SDCCAG8: variants seen among roughly 807,000 people sequenced by gnomAD.
SDCCAG8 encodes SHH signaling and ciliogenesis regulator SDCCAG8.
A neutral mutation model predicts 101.8 loss-of-function variants in SDCCAG8; 74 were observed. The ratio of observed to expected loss-of-function variants is 0.73; its 90% CI spans 0.60 to 0.88. SDCCAG8 has a LOEUF of 0.88. SDCCAG8 is among the 40% of genes least tolerant of loss of function. The pLI, the probability that SDCCAG8 is intolerant of heterozygous loss-of-function variation, is 0.00. For missense variants in SDCCAG8, 787 were observed against 822.6 expected, an observed-to-expected ratio of 0.96 and a Z score of 0.53; for synonymous variants, 281 against 292.9, an observed-to-expected ratio of 0.96 and a Z score of 0.41.
At chr1:243,356,545 T>A (rs972793665) in intron 12 of SDCCAG8, among the ~76,000 whole-genome samples, 1 of 151,958 alleles carries the variant, frequency 6.6e-6, no homozygotes, top group Non-Finnish European at 1.5e-5. Flanking sequence ...CACCTTAAAC[T>A]ATAACTCAGA....
intron 11 of SDCCAG8, 85 bp downstream of exon 11, chr1:243,341,258 G>T: frequency 1.4e-6 from 2 of 1,470,870 alleles, no homozygotes; most frequent in Non-Finnish European, 1.9e-6. Context: ...AACTCTTACT[G>T]TTATCAGGAG....
At chr1:243,368,137 G>A (rs1478377629) in intron 12 of SDCCAG8, among the ~76,000 whole-genome samples, 1 of 151,680 alleles carries the variant, frequency 6.6e-6, no homozygotes, top group Non-Finnish European at 1.5e-5. Flanking sequence ...AATCTCTTGA[G>A]CCGGGGAGGT....
intron 12 of SDCCAG8, among the ~76,000 whole-genome samples, chr1:243,377,688 G>A (rs1482557740): frequency 1.3e-5 from 2 of 151,880 alleles, no homozygotes; most frequent in Admixed American, 6.6e-5. Context: ...AAGGACATGA[G>A]GAAATTTGGA....
chr1:243,279,891 G>A (rs975791156), intron 4 of SDCCAG8, among the ~76,000 whole-genome samples: 15 of 151,940 alleles, frequency 9.9e-5, no homozygotes, highest in African/African-American at 3.6e-4. Context: ...CACTTGGTTC[G>A]GGTATTAGGT....
At chr1:243,348,601 A>G (rs1040924173) in intron 12 of SDCCAG8, among the ~76,000 whole-genome samples, 3 of 152,074 alleles carry the variant, frequency 2.0e-5, no homozygotes, top group Non-Finnish European at 4.4e-5. Context: ...AGAACTGCGT[A>G]GGGCTGCAGT....
chr1:243,437,921 C>G (rs2082254805), intron 16 of SDCCAG8, among the ~76,000 whole-genome samples: 1 of 152,152 alleles, frequency 6.6e-6, no homozygotes, highest in Non-Finnish European at 1.5e-5. Context: ...CACATTTTTC[C>G]TAGGATCAGG....
At chr1:243,459,772 T>C (rs1487991001) in intron 16 of SDCCAG8, among the ~76,000 whole-genome samples, 1 of 152,030 alleles carries the variant, frequency 6.6e-6, no homozygotes, top group African/African-American at 2.4e-5. Flanking sequence ...CCTCAGCTGA[T>C]ATTTTTATTT....
chr1:243,476,161 C>G, intron 16 of SDCCAG8: 5 of 985,462 alleles, frequency 5.1e-6, no homozygotes, highest in Non-Finnish European at 6.0e-6. Context: ...CTGAGTCACT[C>G]TGTTCAGCTC....
At chr1:243,338,379 TTTTC>T (rs1240375969) in intron 10 of SDCCAG8, among the ~76,000 whole-genome samples, 3 of 152,202 alleles carry the variant, frequency 2.0e-5, no homozygotes, top group Non-Finnish European at 2.9e-5. Flanking sequence ...AACGTATAGA[TTTTC>T]TTTCTTTCTA....
At chr1:243,478,882 C>T (rs1375646562) in intron 16 of SDCCAG8, among the ~76,000 whole-genome samples, 3 of 146,990 alleles carry the variant, frequency 2.0e-5, no homozygotes, top group African/African-American at 7.7e-5. Context: ...CATTTGAACC[C>T]GGGAGGCGGA....
intron 13 of SDCCAG8, among the ~76,000 whole-genome samples, chr1:243,406,646 G>A (rs988041243): frequency 6.6e-6 from 1 of 152,006 alleles, no homozygotes; most frequent in African/African-American, 2.4e-5. Context: ...TTTCCCTCAG[G>A]ACGAGGGCCT....
chr1:243,446,762 G>A (rs1201006665), intron 16 of SDCCAG8, among the ~76,000 whole-genome samples: 3 of 152,220 alleles, frequency 2.0e-5, no homozygotes, highest in African/African-American at 7.2e-5. Flanking sequence ...TGTTCAGCCT[G>A]GAGAATATAC....
chr1:243,454,124 T>C (rs2083561244), intron 16 of SDCCAG8, among the ~76,000 whole-genome samples: 1 of 152,204 alleles, frequency 6.6e-6, no homozygotes, highest in Non-Finnish European at 1.5e-5. Context: ...CTGTGGTAAA[T>C]TTAAAATGAG....
At chr1:243,354,154 G>C (rs1039852338) in intron 12 of SDCCAG8, among the ~76,000 whole-genome samples, 4 of 152,202 alleles carry the variant, frequency 2.6e-5, no homozygotes, top group African/African-American at 7.2e-5. Context: ...CCAGTGAAGT[G>C]AGAAGCTTGG....
intron 17 of SDCCAG8, among the ~76,000 whole-genome samples, chr1:243,498,078 G>A (rs1479174017): frequency 6.6e-6 from 1 of 152,220 alleles, no homozygotes; most frequent in Non-Finnish European, 1.5e-5. Flanking sequence ...TGTGTCAAGA[G>A]CGAGGCCACC....
chr1:243,499,740 T>C lies in SDCCAG8; in HGVS notation c.2113-16T>C. ...AACATGAGCTATTGAAACTTACTTTTTATTATTTTTTCCAGTTACCCAGCA... is the reference window on the plus strand; with the variant it reads ...AACATGAGCTATTGAAACTTACTTTCTATTATTTTTTCCAGTTACCCAGCA... On this transcript the variant is annotated splice_polypyrimidine_tract_variant and intron_variant, in intron 17 of 17. Transcript: ENST00000366541. The C allele has an allele frequency of 6.2e-7, 1 of 1,604,760 alleles. No homozygotes were observed. The highest frequency in any genetic ancestry group is 8.5e-7 in the Non-Finnish European group (1 of 1,171,742).
intron 1 of SDCCAG8, among the ~76,000 whole-genome samples, chr1:243,258,912 C>G (rs1328914801): frequency 1.3e-5 from 2 of 152,172 alleles, no homozygotes; most frequent in Non-Finnish European, 2.9e-5. Context: ...CCCCAAATGC[C>G]TTGCGTAGTT....
intron 16 of SDCCAG8, among the ~76,000 whole-genome samples, chr1:243,441,678 T>C (rs1302130001): frequency 2.6e-5 from 4 of 152,204 alleles, no homozygotes; most frequent in African/African-American, 9.6e-5. Context: ...TTAAAATATA[T>C]ATATGTAAAT....
intron 10 of SDCCAG8, among the ~76,000 whole-genome samples, chr1:243,336,178 T>A (rs984625512): frequency 1.3e-5 from 2 of 152,220 alleles, no homozygotes; most frequent in African/African-American, 4.8e-5. Flanking sequence ...TCTGGTAGAA[T>A]GGTAGGTTCT....
Sources: allele counts gnomAD v4.1 joint callset (sites outside exome capture counted in the v4.1 genomes callset), GRCh38; gene constraint gnomAD v4.1.1; transcripts MANE v1.5; gene names NCBI Gene and HGNC (gene_info 2026-07-23, HGNC 2026-07-21).